Variants in MIB1 observed in about 807,000 individuals in gnomAD.
The protein encoded by MIB1 is MIB E3 ubiquitin protein ligase 1, also known as E3 ubiquitin-protein ligase MIB1.
Under a neutral mutation model 124.5 loss-of-function variants are expected in MIB1, and 278 were observed. The observed-to-expected ratio is 2.23, with a 90% CI of 2.02 to 2.47. MIB1 has a LOEUF of 2.47. Among genes scored for constraint, MIB1 ranks in the 30% most tolerant of loss-of-function variants. The pLI, the probability that MIB1 is intolerant of heterozygous loss-of-function variation, is 0.00. For synonymous variants in MIB1, 446 were observed against 429.4 expected, an observed-to-expected ratio of 1.04 and a Z score of -0.48; for missense variants, 957 against 1,254.4, an observed-to-expected ratio of 0.76 and a Z score of 3.58.
At chr18:21,832,975 A>G (rs1323809711) in intron 12 of MIB1, among the ~76,000 whole-genome samples, 1 of 152,236 alleles carries the variant, frequency 6.6e-6, no homozygotes, top group Admixed American at 6.5e-5. Flanking sequence ...CTTTATAAAT[A>G]TTAACTCATT....
At chr18:21,830,122 A>T (rs2041964971) in intron 12 of MIB1, among the ~76,000 whole-genome samples, 1 of 152,164 alleles carries the variant, frequency 6.6e-6, no homozygotes, top group African/African-American at 2.4e-5. Flanking sequence ...AGCAAATCAG[A>T]ATGTAGCAGT....
At chr18:21,783,435 G>A (rs898466748) in intron 6 of MIB1, among the ~76,000 whole-genome samples, 1 of 152,022 alleles carries the variant, frequency 6.6e-6, no homozygotes, top group Admixed American at 6.5e-5. Context: ...TAGAGATGGG[G>A]TTTCACCATA....
At chr18:21,769,663 A>G (rs905298608) in intron 3 of MIB1, among the ~76,000 whole-genome samples, 2 of 152,192 alleles carry the variant, frequency 1.3e-5, no homozygotes, top group Non-Finnish European at 2.9e-5. Context: ...TTGAAAGAGT[A>G]TGTGAGAAGT....
chr18:21,743,391 G>A (rs770766091), intron 1 of MIB1, among the ~76,000 whole-genome samples: 2 of 152,192 alleles, frequency 1.3e-5, no homozygotes, highest in Non-Finnish European at 2.9e-5. Context: ...ATCTAACCAG[G>A]ACTTTATCGA....
intron 20 of MIB1, 27 bp downstream of exon 20, chr18:21,858,673 A>G (rs771995381): frequency 9.1e-7 from 1 of 1,103,048 alleles, no homozygotes; most frequent in Non-Finnish European, 1.4e-6. Context: ...GTAAACAGTG[A>G]TGCTGTGAAT....
chr18:21,824,235 A>G (rs2041905169), intron 12 of MIB1, among the ~76,000 whole-genome samples: 1 of 152,186 alleles, frequency 6.6e-6, no homozygotes, highest in Non-Finnish European at 1.5e-5. Context: ...TGGTACTAAG[A>G]TAATTTCACA....
rs933849287 is a variant in MIB1 at position 21,857,113 on chromosome 18, G to A, written c.2666-17G>A. 24 of 1,567,780 alleles carry A rather than the reference G, an allele frequency of 1.5e-5. No individual in the cohort carries two copies. The highest frequency in any genetic ancestry group is 2.1e-5 in the Non-Finnish European group (24 of 1,138,138). On this transcript the variant is annotated splice_polypyrimidine_tract_variant and intron_variant, in intron 18 of 20. Transcript: ENST00000261537. ...ATGTTCTCTCTTGTAAGAAGTGTCT[G>A]TGTTACCGTTTTCCAGACTGTGCTA...
In MIB1 at chr18:21,843,143, C is replaced by G; in HGVS notation, c.1975C>G (p.Leu659Val). Residue 659 changes from leucine to valine, a missense_variant, in exon 14 of 21, where the codon CTG becomes GTG. By Grantham distance (32) the Leu-to-Val change is conservative. Coordinates refer to ENST00000261537, the MANE Select transcript of MIB1 (RefSeq NM_020774.4). Reference protein sequence around the residue: ...ELLVHQGNANLDIQNVNQQTA... With the variant: ...ELLVHQGNANVDIQNVNQQTA... The stretch of plus-strand genomic sequence containing the variant: ...TCTTCTCGTTCAGGGTAATGCAAAC[C>G]TGGATATCCAGAATGTGAACCAACA... 6.2e-7 allele frequency: 1 copy of G among 1,601,210 alleles called. No individual in the cohort carries two copies. The highest frequency in any genetic ancestry group is 1.1e-5 in the South Asian group (1 of 88,152).
chr18:21,838,587 T>C, intron 13 of MIB1, 90 bp downstream of exon 13: 5 of 1,109,376 alleles, frequency 4.5e-6, no homozygotes, highest in Non-Finnish European at 6.3e-6. Flanking sequence ...GCTTTATAAA[T>C]TGCCTATTAG....
intron 12 of MIB1, among the ~76,000 whole-genome samples, chr18:21,836,225 G>A (rs1040808838): frequency 2.6e-5 from 4 of 151,402 alleles, no homozygotes; most frequent in Non-Finnish European, 4.4e-5. Flanking sequence ...CTAACTGCAC[G>A]CTAGCCTGGG....
intron 10 of MIB1, among the ~76,000 whole-genome samples, chr18:21,810,276 A>G (rs1240219486): frequency 1.3e-5 from 2 of 152,116 alleles, no homozygotes; most frequent in Non-Finnish European, 2.9e-5. Flanking sequence ...TCCCATGTTC[A>G]TGGATTAGAA....
intron 1 of MIB1, among the ~76,000 whole-genome samples, chr18:21,757,789 C>T (rs1354688809): frequency 6.6e-6 from 1 of 151,972 alleles, no homozygotes; most frequent in Admixed American, 6.6e-5. Flanking sequence ...CCCGGCCAGT[C>T]TTTTAACATT....
In MIB1 at chr18:21,868,254, C is replaced by T. The variant is rs978003001; in HGVS notation, c.*3588C>T. The T allele has an allele frequency of 6.6e-6, 1 of 152,110 alleles. No homozygotes were observed. The highest frequency in any genetic ancestry group is 1.5e-5 in the Non-Finnish European group (1 of 67,910). 9.4% of individuals were successfully genotyped at this position (152,110 alleles called of 1,614,324 possible). A position where few individuals can be genotyped will look rare whatever the true frequency, so the allele number is the denominator to read the frequency against. ...TTTTCATCTTGCAAAACTGAAACTCCATACCCATTAAACAACTCCCCTTTT... is the reference window on the plus strand; with the variant it reads ...TTTTCATCTTGCAAAACTGAAACTCTATACCCATTAAACAACTCCCCTTTT... On this transcript the variant is annotated 3_prime_UTR_variant, in exon 21 of 21. Transcript: ENST00000261537.
At position 21,735,009 on chromosome 18, in the gene MIB1, C is replaced by T. The variant is rs962358805; in HGVS notation, n.167+29886C>T. ...TCAAGTCTCCTTGTGTATTTTCTTT[C>T]CTTTTGGGTAAGTACTGAAGAGTGG... is the stretch of plus-strand genomic sequence containing the variant. On this transcript the variant is annotated intron_variant and non_coding_transcript_variant, in intron 1 of 20. Coordinates refer to the MIB1 transcript ENST00000578646. 1.2e-4 allele frequency among the ~76,000 whole-genome samples: 19 copies of T among 152,172 alleles called. 1 individual carries two copies. Among genetic ancestry groups the T allele is most frequent in the Admixed American group, 3.9e-4 (6 of 15,284 alleles).
intron 7 of MIB1, among the ~76,000 whole-genome samples, chr18:21,794,450 T>A (rs1049919051): frequency 6.7e-6 from 1 of 148,428 alleles, no homozygotes; most frequent in Non-Finnish European, 1.5e-5. Context: ...AGCCTCTCTC[T>A]CTCTCTCTCT....
At chr18:21,806,564 A>G (rs1464189576) in intron 10 of MIB1, among the ~76,000 whole-genome samples, 1 of 151,872 alleles carries the variant, frequency 6.6e-6, no homozygotes, top group Non-Finnish European at 1.5e-5. Context: ...TAAACATGGT[A>G]TGATGGGAGT....
At chr18:21,784,653 C>T (rs563038206) in intron 6 of MIB1, among the ~76,000 whole-genome samples, 54 of 152,252 alleles carry the variant, frequency 3.5e-4, no homozygotes, top group African/African-American at 1.2e-3. Flanking sequence ...AAAGACCAGG[C>T]TATACAGATA....
chr18:21,849,099 T>C (rs1373426107), intron 16 of MIB1, 97 bp from the exon 17 acceptor site: 1 of 772,026 alleles, frequency 1.3e-6, no homozygotes, highest in Non-Finnish European at 2.0e-6. Context: ...TGACTAGTTT[T>C]TATGTATACT....
At chr18:21,771,744 A>G (rs767852602) in intron 3 of MIB1, among the ~76,000 whole-genome samples, 62 of 152,048 alleles carry the variant, frequency 4.1e-4, no homozygotes, top group Non-Finnish European at 4.4e-4. Flanking sequence ...CTTAAAGTTT[A>G]CATATGCTTT....
Sources: gnomAD v4.1 joint callset for allele counts (sites outside exome capture counted in the v4.1 genomes callset) on GRCh38, gnomAD v4.1.1 for gene constraint, MANE v1.5 for transcripts, NCBI Gene and HGNC (gene_info 2026-07-23, HGNC 2026-07-21) for gene names.